The following GULP1 variants were observed in gnomAD, a reference collection of about 807,000 sequenced individuals.
The protein encoded by GULP1 is GULP PTB domain containing engulfment adaptor 1.
In GULP1, 19 loss-of-function variants were observed where a neutral mutation model predicts 40.9. The ratio of observed to expected loss-of-function variants is 0.46; its 90% CI spans 0.32 to 0.68. GULP1 has a LOEUF of 0.68. Among genes scored for constraint, GULP1 ranks in the 30% least tolerant of loss-of-function variants. GULP1 has a pLI of 0.03. For missense variants in GULP1, 312 were observed against 362.2 expected, an observed-to-expected ratio of 0.86 and a Z score of 1.12; for synonymous variants, 119 against 117.6, an observed-to-expected ratio of 1.01 and a Z score of -0.08.
chr2:188,347,059 CACA>C (rs1269976736), intron 1 of GULP1, among the ~76,000 whole-genome samples: 1 of 151,994 alleles, frequency 6.6e-6, no homozygotes, highest in Non-Finnish European at 1.5e-5. Context: ...GCTCTCGATT[CACA>C]ACATCACTGA....
intron 10 of GULP1, among the ~76,000 whole-genome samples, chr2:188,586,938 G>A (rs1334671612): frequency 2.0e-5 from 3 of 151,804 alleles, no homozygotes; most frequent in East Asian, 1.9e-4. Context: ...ACATTGTGCA[G>A]GTTAGTTACC....
chr2:188,425,178 T>A (rs6742748), intron 2 of GULP1, among the ~76,000 whole-genome samples: 3,567 of 152,162 alleles, frequency 0.023, 154 homozygotes, highest in African/African-American at 0.081. Flanking sequence ...TGAAATAATT[T>A]ATACAGGAAA....
chr2:188,346,205 T>A (rs2043619357), intron 1 of GULP1, among the ~76,000 whole-genome samples: 1 of 152,198 alleles, frequency 6.6e-6, no homozygotes, highest in Non-Finnish European at 1.5e-5. Context: ...ATGATATGGC[T>A]TAACCCAGGG....
At chr2:188,583,929 T>C (rs1701831074) in intron 9 of GULP1, among the ~76,000 whole-genome samples, 1 of 152,230 alleles carries the variant, frequency 6.6e-6, no homozygotes, top group African/African-American at 2.4e-5. Context: ...CTAATATATC[T>C]AATTCTCTGT....
At chr2:188,589,664 T>C (rs1411135133) in intron 11 of GULP1, 2 of 668,004 alleles carry the variant, frequency 3.0e-6, no homozygotes, top group South Asian at 5.0e-5. Context: ...TGTTAAACCG[T>C]GGTGTTTTTG....
intron 1 of GULP1, among the ~76,000 whole-genome samples, chr2:188,335,130 T>C (rs1488568310): frequency 1.3e-5 from 2 of 152,238 alleles, no homozygotes; most frequent in Non-Finnish European, 2.9e-5. Context: ...TGATATATCA[T>C]AAACTGTAAC....
intron 2 of GULP1, among the ~76,000 whole-genome samples, chr2:188,408,844 C>T (rs1446522296): frequency 1.3e-5 from 2 of 152,028 alleles, no homozygotes; most frequent in Non-Finnish European, 2.9e-5. Context: ...TGGTGTAAAA[C>T]TGGAAATCAA....
chr2:188,479,741 A>T (rs1304290173), intron 3 of GULP1, among the ~76,000 whole-genome samples: 1 of 152,168 alleles, frequency 6.6e-6, no homozygotes, highest in South Asian at 2.1e-4. Context: ...TCTGTAATTT[A>T]CTGTTTATTT....
chr2:188,562,260 C>T (rs1696499110), intron 7 of GULP1, among the ~76,000 whole-genome samples: 1 of 152,124 alleles, frequency 6.6e-6, no homozygotes, highest in Non-Finnish European at 1.5e-5. Context: ...GAGTTGGGAG[C>T]ATTGAGGGGC....
At chr2:188,307,222 T>C (rs1338878133) in intron 1 of GULP1, among the ~76,000 whole-genome samples, 1 of 152,190 alleles carries the variant, frequency 6.6e-6, no homozygotes, top group Non-Finnish European at 1.5e-5. Flanking sequence ...ACAAATATGA[T>C]ATTTTATGAA....
At chr2:188,342,549 G>T (rs2043112335) in intron 1 of GULP1, among the ~76,000 whole-genome samples, 1 of 152,106 alleles carries the variant, frequency 6.6e-6, no homozygotes, top group African/African-American at 2.4e-5. Flanking sequence ...TTAGGACTTG[G>T]ACATATCTTT....
chr2:188,398,533 A>G (rs1348866528), intron 2 of GULP1, among the ~76,000 whole-genome samples: 1 of 152,204 alleles, frequency 6.6e-6, no homozygotes, highest in Non-Finnish European at 1.5e-5. Context: ...AGAGTTATGT[A>G]TATTTATGTA....
At chr2:188,579,171 T>A (rs529162601) in intron 9 of GULP1, among the ~76,000 whole-genome samples, 13 of 152,234 alleles carry the variant, frequency 8.5e-5, no homozygotes, top group African/African-American at 2.6e-4. Context: ...AAACTCAAAC[T>A]TTAATATAGC....
chr2:188,507,905 A>G (rs950129423), intron 4 of GULP1, among the ~76,000 whole-genome samples: 4 of 152,010 alleles, frequency 2.6e-5, no homozygotes, highest in African/African-American at 9.7e-5. Flanking sequence ...CAAATATATC[A>G]TGAAAAATAG....
chr2:188,478,864 G>A (rs936124608), intron 3 of GULP1, among the ~76,000 whole-genome samples: 5 of 152,038 alleles, frequency 3.3e-5, no homozygotes, highest in African/African-American at 1.2e-4. Flanking sequence ...TTGGGCACTG[G>A]GTGTTCTCCC....
intron 1 of GULP1, among the ~76,000 whole-genome samples, chr2:188,323,737 G>A (rs10931350): frequency 0.75 from 113,360 of 150,708 alleles, 43,064 homozygotes; most frequent in East Asian, 0.95. Context: ...TACTATCACT[G>A]TTTTCCTATT....
intron 1 of GULP1, among the ~76,000 whole-genome samples, chr2:188,304,383 A>G (rs560114124): frequency 6.6e-6 from 1 of 152,318 alleles, no homozygotes; most frequent in African/African-American, 2.4e-5. Flanking sequence ...CGAACCAGAG[A>G]GTAAAGATAC....
At chr2:188,500,563 T>C (rs1050071562) in intron 4 of GULP1, among the ~76,000 whole-genome samples, 57 of 152,046 alleles carry the variant, frequency 3.7e-4, no homozygotes, top group African/African-American at 1.4e-3. Context: ...TAAATAAATC[T>C]TTTGGGAACA....
intron 2 of GULP1, among the ~76,000 whole-genome samples, chr2:188,450,400 C>T (rs1276378696): frequency 6.6e-6 from 1 of 151,854 alleles, no homozygotes; most frequent in Admixed American, 6.6e-5. Flanking sequence ...CTTTTTAAAC[C>T]ATTTCTTGCC....
Sources: gnomAD v4.1 joint callset for allele counts (sites outside exome capture counted in the v4.1 genomes callset) on GRCh38, gnomAD v4.1.1 for gene constraint, MANE v1.5 for transcripts, NCBI Gene and HGNC (gene_info 2026-07-23, HGNC 2026-07-21) for gene names.